The following COL26A1 variants were observed in gnomAD, a reference collection of about 807,000 sequenced individuals.
COL26A1 encodes collagen type XXVI alpha 1 chain.
A neutral mutation model predicts 59.3 loss-of-function variants in COL26A1; 41 were observed. The observed-to-expected ratio is 0.69, with a 90% confidence interval of 0.54 to 0.90. The LOEUF (loss-of-function observed/expected upper bound fraction) is 0.90. Among genes scored for constraint, COL26A1 ranks in the 40% least tolerant of loss-of-function variants. The probability of loss-of-function intolerance (pLI) is 0.00; values close to 1 mark genes in which losing one functional copy is unlikely to be tolerated. For synonymous variants in COL26A1, 266 were observed against 256.0 expected, an observed-to-expected ratio of 1.04 and a Z score of -0.37; for missense variants, 612 against 602.3, an observed-to-expected ratio of 1.02 and a Z score of -0.17.
chr7:101,385,227 C>CTATATATATATATATATATATAT (rs1375842083), intron 1 of COL26A1, among the ~76,000 whole-genome samples: 1 of 139,370 alleles, frequency 7.2e-6, no homozygotes, highest in African/African-American at 2.6e-5. Context: ...CACACACACA[C>CTATATATATATATATATATATAT]ACACTATATA....
At chr7:101,522,730 G>A (rs889693125) in intron 3 of COL26A1, among the ~76,000 whole-genome samples, 3 of 151,912 alleles carry the variant, frequency 2.0e-5, no homozygotes, top group African/African-American at 7.3e-5. Context: ...GACTGCCAAA[G>A]GGGTTTTAAA....
At position 101,544,068 on chromosome 7, in the gene COL26A1, A is replaced by G. The variant is rs760739926; in HGVS notation, c.675A>G (p.Thr225=). The G allele has an allele frequency of 1.2e-6, 2 of 1,606,388 alleles. No homozygotes were observed. The highest frequency in any genetic ancestry group is 1.7e-6 in the Non-Finnish European group (2 of 1,176,980). The change falls in exon 6 of 13, where the codon ACA becomes ACG. Residue 225 remains threonine, a synonymous_variant. Coordinates refer to ENST00000313669, the MANE Select transcript of COL26A1 (RefSeq NM_001278563.3). ...GGTCTAAAGGTGACCGAGGCCAGAC[A>G]GGAGAGAAGGGTCCAGCGGGGCCGC... is the stretch of plus-strand genomic sequence containing the variant. The part of the protein sequence containing the change: ...PPGSKGDRGQ[T]GEKGPAGPPG...
At chr7:101,412,029 A>G (rs937720599) in intron 1 of COL26A1, among the ~76,000 whole-genome samples, 3 of 152,144 alleles carry the variant, frequency 2.0e-5, no homozygotes, top group Non-Finnish European at 4.4e-5. Flanking sequence ...CATGAGATCA[A>G]CCCTCAAAGC....
At chr7:101,459,042 G>C (rs1326320897) in intron 3 of COL26A1, among the ~76,000 whole-genome samples, 1 of 152,074 alleles carries the variant, frequency 6.6e-6, no homozygotes, top group Non-Finnish European at 1.5e-5. Context: ...TTGAACTCTT[G>C]GCCTCAAGCG....
intron 3 of COL26A1, among the ~76,000 whole-genome samples, chr7:101,449,587 G>A (rs1793280762): frequency 6.6e-6 from 1 of 152,102 alleles, no homozygotes; most frequent in African/African-American, 2.4e-5. Context: ...TGGGCAACAT[G>A]GTGAAACCCT....
At chr7:101,536,293 C>T (rs1303969489) in intron 4 of COL26A1, among the ~76,000 whole-genome samples, 1 of 152,260 alleles carries the variant, frequency 6.6e-6, no homozygotes, top group Admixed American at 6.5e-5. Flanking sequence ...GGACTACAGG[C>T]ATGAGCCACT....
intron 3 of COL26A1, among the ~76,000 whole-genome samples, chr7:101,489,718 T>G (rs1264605795): frequency 9.1e-6 from 1 of 109,356 alleles, no homozygotes; most frequent in African/African-American, 5.8e-5. Context: ...TCTTTCATTC[T>G]TTCTTTCTCT....
chr7:101,525,766 G>C (rs897330603), intron 3 of COL26A1, among the ~76,000 whole-genome samples: 3 of 152,202 alleles, frequency 2.0e-5, no homozygotes, highest in Admixed American at 2.0e-4. Context: ...AAAGTGCTGG[G>C]ATTACAGGTG....
rs200593027 is a variant in COL26A1, at chr7:101,414,067, G to A, written c.159-5910G>A. On this transcript the variant is annotated intron_variant, in intron 1 of 12. Transcript: ENST00000313669. ...CAAGGCAATGGGGGTCCCCACAACCGCGGCTACCTGGGGATGCACAGGCTT... is the reference window on the plus strand; with the variant it reads ...CAAGGCAATGGGGGTCCCCACAACCACGGCTACCTGGGGATGCACAGGCTT... Among the ~76,000 whole-genome samples, 6 of 152,234 alleles carry A rather than the reference G, an allele frequency of 3.9e-5. No homozygotes were observed. The East Asian group carries it at 5.8e-4, about 15-fold the overall frequency.
intron 3 of COL26A1, among the ~76,000 whole-genome samples, chr7:101,523,868 G>A (rs35916425): frequency 2.6e-5 from 4 of 151,690 alleles, no homozygotes; most frequent in East Asian, 1.9e-4. Flanking sequence ...GGAATCAATC[G>A]GACAATTTCC....
intron 3 of COL26A1, among the ~76,000 whole-genome samples, chr7:101,508,673 G>T (rs759607941): frequency 2.0e-4 from 30 of 152,052 alleles, no homozygotes; most frequent in Non-Finnish European, 3.4e-4. Context: ...ACCCTCAGAG[G>T]ATTCTCCCAT....
At chr7:101,554,439 C>A (rs1441720743) in intron 11 of COL26A1, among the ~76,000 whole-genome samples, 2 of 151,892 alleles carry the variant, frequency 1.3e-5, no homozygotes, top group Non-Finnish European at 2.9e-5. Flanking sequence ...GTGACTGTGA[C>A]CCCCTCCATT....
rs1467720727 is a variant in COL26A1, at chr7:101,397,494, C to CTCCTTCTCCTT, written c.159-22482_159-22472dup. Among the ~76,000 whole-genome samples the CTCCTTCTCCTT allele has an allele frequency of 3.3e-3, 484 of 147,724 alleles. 3 individuals carry two copies. Among genetic ancestry groups the CTCCTTCTCCTT allele is most frequent in the African/African-American group, 0.012 (466 of 39,846 alleles). ...TTCCTTCCTTCCTTCTCCTTTCCTT[C>CTCCTTCTCCTT]TCCTTCTCCTTCCCTTCCCTTCCCT... On this transcript the variant is annotated intron_variant, in intron 1 of 12. Transcript: ENST00000313669.
chr7:101,451,325 TTTATA>T (rs200743645), intron 3 of COL26A1, among the ~76,000 whole-genome samples: 25,828 of 145,850 alleles, frequency 0.18, 5,425 homozygotes, highest in African/African-American at 0.51. Context: ...TGTATTATAA[TTTATA>T]TTATATTTCT....
At position 101,488,349 on chromosome 7, in the gene COL26A1, A is replaced by AATTTATATATATATATATATATATAT. The variant is rs1491342922; in HGVS notation, c.385+40564_385+40565insTTATATATATATATATATATATATAT. Among the ~76,000 whole-genome samples the AATTTATATATATATATATATATATAT allele has an allele frequency of 3.8e-5, 4 of 104,968 alleles. 1 individual carries two copies. Among genetic ancestry groups the AATTTATATATATATATATATATATAT allele is most frequent in the African/African-American group, 1.2e-4 (3 of 24,076 alleles). 68.9% of individuals were successfully genotyped at this position (104,968 alleles called of 152,430 possible). ...TTTTAATCCGTTTTTAATTTTATTT[A>AATTTATATATATATATATATATATAT]ATATATATATATATATATATATATA... On this transcript the variant is annotated intron_variant, in intron 3 of 12. Transcript: ENST00000313669.
In COL26A1 at chr7:101,428,183, C is replaced by A. The variant is rs371633688; in HGVS notation, c.281+8084C>A. On this transcript the variant is annotated intron_variant, in intron 2 of 12. Coordinates refer to ENST00000313669, the MANE Select transcript of COL26A1 (RefSeq NM_001278563.3). ...TGACAGCCCGGGCAACATAGTGAGA[C>A]CCTGTCTCTACAAAAATTTTAAAAT... Among the ~76,000 whole-genome samples the A allele has an allele frequency of 7.2e-5, 11 of 151,922 alleles. No individual in the cohort carries two copies. In the East Asian group the frequency reaches 1.9e-3, roughly 27 times the overall value.
chr7:101,375,336 C>T (rs1220243340), intron 1 of COL26A1, among the ~76,000 whole-genome samples: 2 of 151,194 alleles, frequency 1.3e-5, no homozygotes, highest in African/African-American at 2.4e-5. Context: ...ATAAAGGCTT[C>T]TCTCAGATGG....
chr7:101,469,798 C>T (rs1013172295), intron 3 of COL26A1, among the ~76,000 whole-genome samples: 1 of 151,912 alleles, frequency 6.6e-6, no homozygotes, highest in Non-Finnish European at 1.5e-5. Context: ...CTGGTGTCCA[C>T]GATTTCTGCC....
At chr7:101,532,939 T>C in intron 3 of COL26A1, 143 bp from the exon 4 acceptor site, 2 of 660,354 alleles carry the variant, frequency 3.0e-6, no homozygotes, top group Non-Finnish European at 5.4e-6. Context: ...GGTAAGGCTT[T>C]GAAGGATGAA....
Sources: allele counts gnomAD v4.1 joint callset (sites outside exome capture counted in the v4.1 genomes callset), GRCh38; gene constraint gnomAD v4.1.1; transcripts MANE v1.5; gene names NCBI Gene and HGNC (gene_info 2026-07-23, HGNC 2026-07-21).